ADAMTS3: variants seen among roughly 807,000 people sequenced by gnomAD.
ADAMTS3 encodes A disintegrin and metalloproteinase with thrombospondin motifs 3.
ADAMTS3 carries 73 observed loss-of-function variants against 129.0 expected under a neutral mutation model. That is an observed-to-expected ratio of 0.57 (90% CI 0.47 to 0.69). The LOEUF is 0.69. ADAMTS3 is among the 30% of genes least tolerant of loss of function. The pLI is 0.00. For synonymous variants in ADAMTS3, 477 were observed against 510.8 expected (o/e 0.93, Z 0.89); for missense variants, 1,457 against 1,514.5 (o/e 0.96, Z 0.63).
intron 4 of ADAMTS3, among the ~76,000 whole-genome samples, chr4:72,367,953 A>C (rs931692559): frequency 2.0e-5 from 3 of 152,138 alleles, no homozygotes. Context: ...TTTGGATGTT[A>C]TATGCATAAT....
intron 2 of ADAMTS3, among the ~76,000 whole-genome samples, chr4:72,562,296 A>T (rs1219151641): frequency 6.6e-6 from 1 of 152,150 alleles, no homozygotes; most frequent in South Asian, 2.1e-4. Flanking sequence ...CAGATCATAC[A>T]GACTTGTTCA....
chr4:72,479,546 A>C (rs1319334357), intron 3 of ADAMTS3, among the ~76,000 whole-genome samples: 1 of 152,230 alleles, frequency 6.6e-6, no homozygotes, highest in Non-Finnish European at 1.5e-5. Flanking sequence ...AGTTAACTCA[A>C]GATGGATTAA....
intron 17 of ADAMTS3, among the ~76,000 whole-genome samples, chr4:72,298,923 T>C (rs1040013612): frequency 1.3e-5 from 2 of 151,938 alleles, no homozygotes; most frequent in African/African-American, 4.8e-5. Flanking sequence ...ATGATAAAGA[T>C]AGTAATGTTC....
intron 5 of ADAMTS3, among the ~76,000 whole-genome samples, chr4:72,329,941 T>C (rs1161994887): frequency 6.6e-6 from 1 of 152,146 alleles, no homozygotes; most frequent in East Asian, 1.9e-4. Flanking sequence ...TCCTGATACA[T>C]GTTTCCCCTG....
chr4:72,460,106 C>T (rs182016935), intron 3 of ADAMTS3, among the ~76,000 whole-genome samples: 4 of 151,374 alleles, frequency 2.6e-5, no homozygotes, highest in Admixed American at 6.6e-5. Context: ...AACCAGGAAA[C>T]GAAAAGTTAA....
chr4:72,546,684 C>A (rs1455766947), intron 3 of ADAMTS3, among the ~76,000 whole-genome samples: 10 of 152,092 alleles, frequency 6.6e-5, no homozygotes. Context: ...ATAAAGCCTA[C>A]TAACCAAAAA....
intron 4 of ADAMTS3, among the ~76,000 whole-genome samples, chr4:72,390,651 G>A (rs1401264013): frequency 3.3e-5 from 5 of 152,042 alleles, no homozygotes; most frequent in Non-Finnish European, 7.4e-5. Context: ...ATACAGGAAG[G>A]AGCAAAAGGG....
At chr4:72,413,332 T>C (rs969625271) in intron 4 of ADAMTS3, among the ~76,000 whole-genome samples, 1 of 151,928 alleles carries the variant, frequency 6.6e-6, no homozygotes, top group Non-Finnish European at 1.5e-5. Context: ...TTGAAAGAGG[T>C]ATTAGGTATT....
chr4:72,290,978 T>C lies in ADAMTS3; in HGVS notation c.2808A>G (p.Pro936=). 1 of 1,613,826 alleles carries C rather than the reference T, an allele frequency of 6.2e-7. No individual in the cohort carries two copies. Among genetic ancestry groups the C allele is most frequent in the Non-Finnish European group, 8.5e-7 (1 of 1,179,922 alleles). The change falls in exon 20 of 22, where the codon CCA becomes CCG. Residue 936 remains proline, a synonymous_variant. Transcript: ENST00000286657. ...CAGAGCGGTTGGTGCCATCAAGGAG[T>C]GGCTGAAGGCAGCGTACAGTGCGAA... ...YQLRTVRCLQ[P]LLDGTNRSVH...
At chr4:72,514,981 C>T (rs1338380531) in intron 3 of ADAMTS3, among the ~76,000 whole-genome samples, 2 of 152,050 alleles carry the variant, frequency 1.3e-5, no homozygotes, top group African/African-American at 4.8e-5. Context: ...ACTATCCCTC[C>T]CCGCTACCCC....
chr4:72,526,747 T>TAC lies in ADAMTS3; in HGVS notation c.504+21730_504+21731insGT, dbSNP rs1358053178. Among the ~76,000 whole-genome samples the TAC allele has an allele frequency of 7.2e-4, 43 of 59,864 alleles. 1 individual carries two copies. Among genetic ancestry groups the TAC allele is most frequent in the Middle Eastern group, 0.021 (2 of 96 alleles). The allele number at this position is 59,864 out of a possible 152,430, so 39.3% of individuals were successfully genotyped here. A position where few individuals can be genotyped will look rare whatever the true frequency, so the allele number is the denominator to read the frequency against. The stretch of plus-strand genomic sequence containing the variant: ...ATATATACATACATATATATATATA[T>TAC]ATATATATATATATATATATATATA... On this transcript the variant is annotated intron_variant, in intron 3 of 21. Transcript: ENST00000286657.
At position 72,304,352 on chromosome 4, in the gene ADAMTS3, G is replaced by A. The variant is rs148893781; in HGVS notation, c.2261-272C>T. On this transcript the variant is annotated intron_variant, in intron 16 of 21. Transcript: ENST00000286657. ...GCAAATATTCCCATTTGAAAACATC[G>A]TCAAAGAGGTTAATAGTTTCTAAAT... 5.6e-3 allele frequency among the ~76,000 whole-genome samples: 852 copies of A among 152,140 alleles called. 4 individuals are homozygous for A. Among genetic ancestry groups the A allele is most frequent in the African/African-American group, 0.019 (794 of 41,520 alleles).
intron 3 of ADAMTS3, among the ~76,000 whole-genome samples, chr4:72,528,553 T>G (rs1475196306): frequency 6.7e-6 from 1 of 150,188 alleles, no homozygotes; most frequent in Non-Finnish European, 1.5e-5. Context: ...ATGCTGCTTC[T>G]CCTTCACTAG....
intron 3 of ADAMTS3, among the ~76,000 whole-genome samples, chr4:72,430,329 C>T (rs1246362335): frequency 6.6e-6 from 1 of 152,006 alleles, no homozygotes; most frequent in African/African-American, 2.4e-5. Flanking sequence ...TCATGGAATA[C>T]TCTCCTCAGA....
chr4:72,492,340 GCAA>G (rs1719769711), intron 3 of ADAMTS3, among the ~76,000 whole-genome samples: 1 of 149,450 alleles, frequency 6.7e-6, no homozygotes, highest in African/African-American at 2.4e-5. Context: ...TCTTTGAGGT[GCAA>G]AGTTTTTTTT....
At chr4:72,419,937 A>G (rs1722402322) in intron 3 of ADAMTS3, among the ~76,000 whole-genome samples, 1 of 152,314 alleles carries the variant, frequency 6.6e-6, no homozygotes. Flanking sequence ...TACTATTTTC[A>G]TATTTCTCTG....
intron 3 of ADAMTS3, among the ~76,000 whole-genome samples, chr4:72,476,828 G>A (rs113486688): frequency 2.0e-5 from 3 of 152,190 alleles, no homozygotes; most frequent in African/African-American, 7.2e-5. Flanking sequence ...GCCTAATGGG[G>A]TTTATTTCAG....
intron 4 of ADAMTS3, among the ~76,000 whole-genome samples, chr4:72,411,300 G>A (rs1352557018): frequency 6.6e-6 from 1 of 152,056 alleles, no homozygotes; most frequent in Non-Finnish European, 1.5e-5. Context: ...TAGGTGACAG[G>A]AAATAGAAAT....
intron 3 of ADAMTS3, among the ~76,000 whole-genome samples, chr4:72,461,877 A>G (rs1235276652): frequency 6.6e-6 from 1 of 151,966 alleles, no homozygotes; most frequent in African/African-American, 2.4e-5. Flanking sequence ...TTTAACTAGC[A>G]GCATATTGAA....
Sources: allele counts gnomAD v4.1 joint callset (sites outside exome capture counted in the v4.1 genomes callset), GRCh38; gene constraint gnomAD v4.1.1; transcripts MANE v1.5; gene names NCBI Gene and HGNC (gene_info 2026-07-23, HGNC 2026-07-21).